Variants in ABCE1 observed in about 807,000 individuals in gnomAD.
ABCE1 encodes ATP binding cassette subfamily E member 1.
Under a neutral mutation model 83.4 loss-of-function variants are expected in ABCE1, and 22 were observed. The observed-to-expected ratio is 0.26, with a 90% CI of 0.19 to 0.38. ABCE1 has a LOEUF of 0.38. Ranked by LOEUF, ABCE1 falls within the 10% of genes least tolerant of loss-of-function variation. The pLI, the probability that ABCE1 is intolerant of heterozygous loss-of-function variation, is 1.00. For synonymous variants in ABCE1, 204 were observed against 233.7 expected, an observed-to-expected ratio of 0.87 and a Z score of 1.16; for missense variants, 330 against 721.9, an observed-to-expected ratio of 0.46 and a Z score of 6.22.
intron 13 of ABCE1, 73 bp downstream of exon 13, chr4:145,121,464 T>C (rs1439408992): frequency 4.4e-6 from 5 of 1,148,390 alleles, no homozygotes; most frequent in South Asian, 1.4e-5. Flanking sequence ...TCTTTTACTA[T>C]ATTAAAATTT....
At position 145,123,511 on chromosome 4, in the gene ABCE1, T is replaced by C. The variant is rs1247831350; in HGVS notation, c.1551T>C (p.Val517=). 2 of 1,604,564 alleles carry C rather than the reference T, an allele frequency of 1.2e-6. No individual in the cohort carries two copies. Among genetic ancestry groups the C allele is most frequent in the Non-Finnish European group, 1.7e-6 (2 of 1,171,952 alleles). The change falls in exon 16 of 18, where the codon GTT becomes GTC. Residue 517 remains valine, a synonymous_variant. Transcript: ENST00000296577. The part of the protein sequence containing the change: ...FILHAKKTAF[V]VEHDFIMATY... ...TCCATGCAAAAAAGACAGCCTTTGTTGTGGAACATGACTTCATCATGGCCA... is the reference window on the plus strand; with the variant it reads ...TCCATGCAAAAAAGACAGCCTTTGTCGTGGAACATGACTTCATCATGGCCA...
chr4:145,109,886 G>T (rs887053993), intron 5 of ABCE1, among the ~76,000 whole-genome samples: 3 of 152,106 alleles, frequency 2.0e-5, no homozygotes, highest in Non-Finnish European at 4.4e-5. Context: ...TGTCCTAGGT[G>T]CTAGGAATCT....
chr4:145,118,159 T>G (rs1749653365), intron 10 of ABCE1, among the ~76,000 whole-genome samples: 1 of 151,578 alleles, frequency 6.6e-6, no homozygotes, highest in African/African-American at 2.4e-5. Flanking sequence ...AAAGGGCTGT[T>G]TACTCAGGAA....
In ABCE1 at chr4:145,123,260, CT is replaced by C; in HGVS notation, c.1423del (p.Cys475AlafsTer10). The C allele has an allele frequency of 6.2e-7, 1 of 1,612,436 alleles. No individual in the cohort carries two copies. The highest frequency in any genetic ancestry group is 8.5e-7 in the Non-Finnish European group (1 of 1,179,454). On this transcript the variant is annotated frameshift_variant, in exon 15 of 18. Coordinates refer to ENST00000296577, the MANE Select transcript of ABCE1 (RefSeq NM_002940.3). LOFTEE classifies it high-confidence loss of function. ...TGAACTACAGCGAGTAGCTTTAGCC[CT>C]TTGCTTGGGCAAACCTGCTGATGTC... is the stretch of plus-strand genomic sequence containing the variant. ...GGELQRVALA[L>X]CLGKPADVYL...
intron 1 of ABCE1, among the ~76,000 whole-genome samples, chr4:145,102,389 T>C (rs1430088832): frequency 6.6e-6 from 1 of 152,156 alleles, no homozygotes; most frequent in Non-Finnish European, 1.5e-5. Context: ...CTGATAAGAA[T>C]GAGCCAGTGG....
At chr4:145,123,791 ATCCCTCACCAG>A (rs1749804537) in intron 16 of ABCE1, 191 bp downstream of exon 16, 2 of 423,050 alleles carry the variant, frequency 4.7e-6, no homozygotes, top group Non-Finnish European at 8.3e-6. Flanking sequence ...TCAGTGTGGA[ATCCCTCACCAG>A]GAAGATAAAA....
intron 7 of ABCE1, 154 bp from the exon 8 acceptor site, chr4:145,110,812 CAT>C (rs541458901): frequency 3.0e-4 from 175 of 584,576 alleles, no homozygotes; most frequent in African/African-American, 2.7e-3. Flanking sequence ...TGAAAGTACA[CAT>C]CTTTATGTGG....
Position 145,104,384 on chromosome 4 carries a change from A to T in ABCE1, c.-27-2A>T. 6.8e-7 allele frequency: 1 copy of T among 1,478,862 alleles called. No individual in the cohort carries two copies. 91.6% of individuals were successfully genotyped at this position (1,478,862 alleles called of 1,614,324 possible). On this transcript the variant is annotated splice_acceptor_variant, in intron 1 of 17. Transcript: ENST00000296577. LOFTEE classifies it low-confidence loss of function (5UTR_SPLICE). Reference sequence around the variant, plus strand: ...TTAAATTTGTTGATTTTTCTTTCATAGAAGAGCTGGATATTCTTTCGCCCA... The same window carrying T: ...TTAAATTTGTTGATTTTTCTTTCATTGAAGAGCTGGATATTCTTTCGCCCA...
At chr4:145,107,343 G>A (rs985698048) in intron 3 of ABCE1, among the ~76,000 whole-genome samples, 1 of 152,098 alleles carries the variant, frequency 6.6e-6, no homozygotes, top group Admixed American at 6.6e-5. Context: ...TTACAAGGTA[G>A]AACAGGAAGT....
intron 3 of ABCE1, among the ~76,000 whole-genome samples, chr4:145,106,061 CATA>C (rs895749149): frequency 3.8e-4 from 57 of 151,890 alleles, no homozygotes; most frequent in African/African-American, 1.3e-3. Flanking sequence ...TAAAATTTAA[CATA>C]ATTCTTCTAC....
Position 145,111,075 on chromosome 4 carries a change from T to C in ABCE1, c.710+11T>C, listed in dbSNP as rs1485942009. 4.4e-6 allele frequency: 7 copies of C among 1,596,780 alleles called. No homozygotes were observed. Among genetic ancestry groups the C allele is most frequent in the Non-Finnish European group, 6.0e-6 (7 of 1,169,466 alleles). On this transcript the variant is annotated intron_variant, in intron 8 of 17. Transcript: ENST00000296577. ...ACAGAAAGCTGATATGTAGGTTACT[T>C]TACAATTTTTGTTTATCTTCATCCG...
intron 13 of ABCE1, chr4:145,122,475 C>T (rs1749770958): frequency 6.6e-6 from 1 of 151,682 alleles, no homozygotes; most frequent in Non-Finnish European, 1.5e-5. Flanking sequence ...TTGCTTATTA[C>T]TTTCTAATTT....
At chr4:145,120,982 A>G in intron 11 of ABCE1, 192 bp from the exon 12 acceptor site, 1 of 569,692 alleles carries the variant, frequency 1.8e-6, no homozygotes, top group Non-Finnish European at 3.1e-6. Flanking sequence ...TATTCCTCTT[A>G]ATTACCTTAG....
Position 145,110,254 on chromosome 4 carries a change from A to G in ABCE1, c.543+14A>G, listed in dbSNP as rs886960802. On this transcript the variant is annotated intron_variant, in intron 6 of 17. Transcript: ENST00000296577. ...AAGGCTGCAAAGGTCGGTTTTTGAT[A>G]GAGGGAACTTAACGGATATTAGTAG... is the stretch of plus-strand genomic sequence containing the variant. 1.3e-6 allele frequency: 2 copies of G among 1,597,544 alleles called. No individual in the cohort carries two copies. Among genetic ancestry groups the G allele is most frequent in the Non-Finnish European group, 1.7e-6 (2 of 1,175,566 alleles).
chr4:145,122,818 A>T (rs1235459152), intron 13 of ABCE1: 1 of 471,596 alleles, frequency 2.1e-6, no homozygotes. Context: ...AAAGAAAAAA[A>T]AAAATTCCTT....
At chr4:145,113,115 G>A (rs1749526179) in intron 9 of ABCE1, among the ~76,000 whole-genome samples, 1 of 152,162 alleles carries the variant, frequency 6.6e-6, no homozygotes, top group African/African-American at 2.4e-5. Context: ...AATAGGACCA[G>A]ATGTTGATGG....
At chr4:145,126,556 A>G (rs1749894421) in intron 17 of ABCE1, among the ~76,000 whole-genome samples, 1 of 152,064 alleles carries the variant, frequency 6.6e-6, no homozygotes, top group Non-Finnish European at 1.5e-5. Flanking sequence ...TGGCCTCCCA[A>G]AGTGCTGGGA....
intron 3 of ABCE1, among the ~76,000 whole-genome samples, chr4:145,107,326 A>C (rs184722024): frequency 6.6e-6 from 1 of 152,114 alleles, no homozygotes. Context: ...CATGACCTCA[A>C]ACGACTTTAC....
Position 145,128,927 on chromosome 4 carries a change from T to C in ABCE1, c.*1354T>C, listed in dbSNP as rs1579227509. 2 of 152,274 alleles carry C rather than the reference T, an allele frequency of 1.3e-5. No homozygotes were observed. The highest frequency in any genetic ancestry group is 6.5e-5 in the Admixed American group (1 of 15,296). The allele number at this position is 152,274 out of a possible 1,614,324, so 9.4% of individuals were successfully genotyped here. A position where few individuals can be genotyped will look rare whatever the true frequency, so the allele number is the denominator to read the frequency against. On this transcript the variant is annotated 3_prime_UTR_variant, in exon 18 of 18. Coordinates refer to ENST00000296577, the MANE Select transcript of ABCE1 (RefSeq NM_002940.3). ...TTGTAAAAAATTCAAATATACAGAA[T>C]GGAATAAAAAAATGATCTCCCTTTA... is the stretch of plus-strand genomic sequence containing the variant.
Sources: allele counts gnomAD v4.1 joint callset (sites outside exome capture counted in the v4.1 genomes callset), GRCh38; gene constraint gnomAD v4.1.1; transcripts MANE v1.5; gene names NCBI Gene and HGNC (gene_info 2026-07-23, HGNC 2026-07-21).